TNKS2: variants seen among roughly 807,000 people sequenced by gnomAD.
The protein encoded by TNKS2 is tankyrase 2.
A neutral mutation model predicts 137.6 loss-of-function variants in TNKS2; 72 were observed. That is an observed-to-expected ratio of 0.52 (90% CI 0.43 to 0.64). The LOEUF (loss-of-function observed/expected upper bound fraction) is 0.64, where lower values mean the gene tolerates loss of function less well. TNKS2 is among the 30% of genes least tolerant of loss of function. The pLI, the probability that TNKS2 is intolerant of heterozygous loss-of-function variation, is 0.00. For synonymous variants in TNKS2, 516 were observed against 512.1 expected (o/e 1.01, Z -0.10); for missense variants, 1,049 against 1,410.2 (o/e 0.74, Z 4.10).
intron 10 of TNKS2, 29 bp downstream of exon 10, chr10:91,831,043 A>G (rs1032953287): frequency 6.2e-7 from 1 of 1,612,096 alleles, no homozygotes; most frequent in Non-Finnish European, 8.5e-7. Context: ...ATTAAATATC[A>G]TTGAGATTTT....
At position 91,840,719 on chromosome 10, in the gene TNKS2, G is replaced by T; in HGVS notation, c.1673+13G>T. On this transcript the variant is annotated intron_variant, in intron 14 of 26. Coordinates refer to ENST00000371627, the MANE Select transcript of TNKS2 (RefSeq NM_025235.4). The stretch of plus-strand genomic sequence containing the variant: ...CTAAAGATAAAGGGTAAATGCCAAT[G>T]ATTGTTATGGACTCTCTTCCTTACT... 2 of 1,607,636 alleles carry T rather than the reference G, an allele frequency of 1.2e-6. No homozygotes were observed. The highest frequency in any genetic ancestry group is 1.1e-5 in the South Asian group (1 of 89,936).
At chr10:91,839,134 G>C (rs1037858276) in intron 13 of TNKS2, among the ~76,000 whole-genome samples, 4 of 151,998 alleles carry the variant, frequency 2.6e-5, no homozygotes, top group African/African-American at 9.7e-5. Flanking sequence ...CCAACGTGCT[G>C]GGATTACAGG....
chr10:91,822,050 C>T (rs1265276949), intron 6 of TNKS2, among the ~76,000 whole-genome samples: 2 of 152,066 alleles, frequency 1.3e-5, no homozygotes. Flanking sequence ...AACATAGACC[C>T]AAACTAAGGC....
Position 91,851,295 on chromosome 10 carries a change from A to G in TNKS2, c.2774A>G (p.Lys925Arg). ...ATCAATGCTTATGGACATAGGCACA[A>G]ACTAATTAAAGGAGTCGAGAGACTT... The part of the protein sequence containing the change: ...IGINAYGHRH[K>R]LIKGVERLIS... Residue 925 changes from lysine (K) to arginine (R), a missense_variant, in exon 21 of 27, where the codon AAA (lysine) becomes AGA (arginine). Physicochemically the swap from Lys to Arg is conservative, Grantham distance 26. This residue lies in a region of TNKS2 where 208 missense variants were observed against 231.2 expected (regional missense o/e 0.90). Transcript: ENST00000371627. 1 of 1,608,768 alleles carries G rather than the reference A, an allele frequency of 6.2e-7. No homozygotes were observed. Among genetic ancestry groups the G allele is most frequent in the Non-Finnish European group, 8.5e-7 (1 of 1,178,852 alleles).
In TNKS2 at chr10:91,808,488, T is replaced by C. The variant is rs11186689; in HGVS notation, c.200-4495T>C. On this transcript the variant is annotated intron_variant, in intron 1 of 26. Transcript: ENST00000371627. Reference sequence around the variant, plus strand: ...TCAGTGGGAAGCCAAGGAATTATTTTAAACAGGGCTGTGATATTATTATTT... The same window carrying C: ...TCAGTGGGAAGCCAAGGAATTATTTCAAACAGGGCTGTGATATTATTATTT... Among the ~76,000 whole-genome samples the C allele has an allele frequency of 1.5e-3, 236 of 152,278 alleles. 1 individual carries two copies. Among genetic ancestry groups the C allele is most frequent in the Non-Finnish European group, 2.6e-3 (179 of 68,018 alleles).
intron 24 of TNKS2, among the ~76,000 whole-genome samples, chr10:91,858,380 A>C (rs1413548468): frequency 1.3e-5 from 2 of 152,184 alleles, no homozygotes; most frequent in Admixed American, 1.3e-4. Context: ...TGATGGTTAT[A>C]ATATGGTTTT....
intron 1 of TNKS2, 150 bp from the exon 2 acceptor site, chr10:91,812,833 T>C (rs756739189): frequency 1.9e-5 from 27 of 1,446,548 alleles, no homozygotes; most frequent in Admixed American, 2.7e-5. Flanking sequence ...GTTATTGATA[T>C]ATTTCTGATC....
At chr10:91,829,504 C>T (rs1845169678) in intron 9 of TNKS2, among the ~76,000 whole-genome samples, 1 of 152,004 alleles carries the variant, frequency 6.6e-6, no homozygotes, top group South Asian at 2.1e-4. Flanking sequence ...TACAGGTTCC[C>T]AGAGATTTAC....
chr10:91,798,785 G>C lies in TNKS2; in HGVS notation c.95G>C (p.Cys32Ser). The change falls in exon 1 of 27, where the codon TGC becomes TCC. Residue 32 changes from cysteine to serine, a missense_variant. Physicochemically the swap from Cys to Ser is moderately radical, Grantham distance 112. Coordinates refer to ENST00000371627, the MANE Select transcript of TNKS2 (RefSeq NM_025235.4). The part of the protein sequence containing the change: ...EPAARELFEA[C>S]RNGDVERVKR... ...GCCGCCCGAGAGCTGTTCGAGGCGT[G>C]CCGCAACGGGGACGTGGAACGAGTC... 7.7e-7 allele frequency: 1 copy of C among 1,296,882 alleles called. No homozygotes were observed. Among genetic ancestry groups the C allele is most frequent in the Admixed American group, 3.9e-5 (1 of 25,744 alleles). 80.3% of individuals were successfully genotyped at this position (1,296,882 alleles called of 1,614,324 possible). A position where few individuals can be genotyped will look rare whatever the true frequency, so the allele number is the denominator to read the frequency against.
Position 91,836,986 on chromosome 10 carries a change from C to G in TNKS2, c.1515C>G (p.Val505=), listed in dbSNP as rs1230785591. ...QLLEAAKAGD[V]ETVKKLCTVQ... ...TGGAAGCTGCAAAGGCTGGAGATGT[C>G]GAAACTGTAAAAGTAAGATACAGTG... The change falls in exon 13 of 27, where the codon GTC becomes GTG. Residue 505 remains valine (V), a synonymous_variant. Coordinates refer to ENST00000371627, the MANE Select transcript of TNKS2 (RefSeq NM_025235.4). The G allele has an allele frequency of 1.9e-6, 3 of 1,612,538 alleles. No individual in the cohort carries two copies. Among genetic ancestry groups the G allele is most frequent in the Middle Eastern group, 1.6e-4 (1 of 6,080 alleles).
Position 91,798,712 on chromosome 10 carries a change from G to A in TNKS2, c.22G>A (p.Gly8Ser), listed in dbSNP as rs1025029837. The A allele has an allele frequency of 1.6e-6, 2 of 1,236,226 alleles. No individual in the cohort carries two copies. The highest frequency in any genetic ancestry group is 2.0e-6 in the Non-Finnish European group (2 of 986,042). The allele number at this position is 1,236,226 out of a possible 1,614,324, so 76.6% of individuals were successfully genotyped here. Reference sequence around the variant, plus strand: ...GATCATGTCGGGTCGCCGCTGCGCCGGCGGGGGAGCGGCCTGCGCGAGCGC... The same window carrying A: ...GATCATGTCGGGTCGCCGCTGCGCCAGCGGGGGAGCGGCCTGCGCGAGCGC... MSGRRCA[G>S]GGAACASAAA... is the part of the protein sequence containing the mutation. Residue 8 changes from glycine to serine, a missense_variant, in exon 1 of 27, where the codon GGC becomes AGC. Physicochemically the swap from Gly to Ser is moderately conservative, Grantham distance 56 (BLOSUM62 0). Coordinates refer to ENST00000371627, the MANE Select transcript of TNKS2 (RefSeq NM_025235.4).
At chr10:91,852,042 C>T (rs1360743529) in intron 21 of TNKS2, among the ~76,000 whole-genome samples, 3 of 151,780 alleles carry the variant, frequency 2.0e-5, no homozygotes, top group African/African-American at 7.3e-5. Context: ...TCCTGGCTAA[C>T]ATGGTGAAAC....
At chr10:91,854,621 C>T (rs575017798) in intron 21 of TNKS2, among the ~76,000 whole-genome samples, 6 of 152,030 alleles carry the variant, frequency 3.9e-5, no homozygotes, top group South Asian at 2.1e-4. Flanking sequence ...TGATAGTAAG[C>T]GGCCAGGTGC....
In TNKS2 at chr10:91,864,578, C is replaced by T. The variant is rs1233641203; in HGVS notation, c.*1579C>T. 2.6e-5 allele frequency: 4 copies of T among 152,574 alleles called. No homozygotes were observed. Among genetic ancestry groups the T allele is most frequent in the African/African-American group, 9.7e-5 (4 of 41,442 alleles). 9.5% of individuals were successfully genotyped at this position (152,574 alleles called of 1,614,324 possible). A position where few individuals can be genotyped will look rare whatever the true frequency, so the allele number is the denominator to read the frequency against. On this transcript the variant is annotated 3_prime_UTR_variant, in exon 27 of 27. Coordinates refer to ENST00000371627, the MANE Select transcript of TNKS2 (RefSeq NM_025235.4). ...ACATAAAGTGCTAGAAAATCATGTT[C>T]CTTGTCCTGAGTAAGAGTTAATCAG...
intron 1 of TNKS2, among the ~76,000 whole-genome samples, chr10:91,799,268 C>G (rs1223038198): frequency 2.6e-5 from 4 of 152,144 alleles, no homozygotes; most frequent in Non-Finnish European, 5.9e-5. Context: ...GGTCAGTTAC[C>G]TCCAAAATTT....
At chr10:91,820,578 G>GTAAGAACCAGGTT (rs1844855259) in intron 6 of TNKS2, among the ~76,000 whole-genome samples, 1 of 152,208 alleles carries the variant, frequency 6.6e-6, no homozygotes, top group South Asian at 2.1e-4. Flanking sequence ...AGAGAAATAG[G>GTAAGAACCAGGTT]TAAGAACCAG....
intron 1 of TNKS2, among the ~76,000 whole-genome samples, chr10:91,800,843 T>G (rs1397029120): frequency 2.6e-5 from 4 of 152,220 alleles, no homozygotes; most frequent in African/African-American, 9.6e-5. Flanking sequence ...TTTAAGTGCA[T>G]CCAGCTACCT....
intron 11 of TNKS2, 148 bp from the exon 12 acceptor site, chr10:91,833,705 A>T (rs1841896457): frequency 1.6e-6 from 1 of 607,280 alleles, no homozygotes; most frequent in East Asian, 3.1e-5. Flanking sequence ...TATTCTCTAG[A>T]TTTGAGCAAA....
chr10:91,862,466 A>G (rs1842876490), intron 26 of TNKS2, among the ~76,000 whole-genome samples: 1 of 152,078 alleles, frequency 6.6e-6, no homozygotes, highest in Non-Finnish European at 1.5e-5. Context: ...TCCCTTTACC[A>G]TTAACTATTT....
Sources: gnomAD v4.1 joint callset for allele counts (sites outside exome capture counted in the v4.1 genomes callset) on GRCh38, gnomAD v4.1.1 for gene constraint, gnomAD v4.1.1 regional missense constraint, MANE v1.5 for transcripts, NCBI Gene and HGNC (gene_info 2026-07-23, HGNC 2026-07-21) for gene names.